CPLX2: variants seen among roughly 807,000 people sequenced by gnomAD.
CPLX2 encodes the protein complexin 2.
In CPLX2, 5 loss-of-function variants were observed where a neutral mutation model predicts 16.3. The ratio of observed to expected loss-of-function variants is 0.31; its 90% confidence interval spans 0.16 to 0.64. The LOEUF (loss-of-function observed/expected upper bound fraction) is 0.64, where lower values mean the gene tolerates loss of function less well. Ranked by LOEUF, CPLX2 falls within the 30% of genes least tolerant of loss-of-function variation. The pLI is 0.79. For missense variants in CPLX2, 144 were observed against 181.4 expected (o/e 0.79, Z 1.18); for synonymous variants, 89 against 73.2 (o/e 1.22, Z -1.10).
chr5:175,846,814 G>A (rs760808910), intron 2 of CPLX2, among the ~76,000 whole-genome samples: 75 of 152,028 alleles, frequency 4.9e-4, no homozygotes, highest in Non-Finnish European at 8.7e-4. Flanking sequence ...AATCCCTCCC[G>A]GGCTGCTGGA....
chr5:175,836,859 G>C (rs1758848997), intron 2 of CPLX2, among the ~76,000 whole-genome samples: 1 of 152,248 alleles, frequency 6.6e-6, no homozygotes, highest in Non-Finnish European at 1.5e-5. Context: ...CAGAGCAAGT[G>C]CCAATGTCAC....
rs1035816968 is a variant in CPLX2 at position 175,880,853 on chromosome 5, G to C, written c.*808G>C. ...CCCAGAAAACACTTGGAGCCATCGGGTAGCGATGGTCTATGCCATGGGGAA... is the reference window on the plus strand; with the variant it reads ...CCCAGAAAACACTTGGAGCCATCGGCTAGCGATGGTCTATGCCATGGGGAA... On this transcript the variant is annotated 3_prime_UTR_variant, in exon 4 of 4. Transcript: ENST00000393745. The C allele has an allele frequency of 6.5e-6, 1 of 152,838 alleles. No individual in the cohort carries two copies. Among genetic ancestry groups the C allele is most frequent in the African/African-American group, 2.4e-5 (1 of 41,434 alleles). The allele number at this position is 152,838 out of a possible 1,614,324, so 9.5% of individuals were successfully genotyped here. A position where few individuals can be genotyped will look rare whatever the true frequency, so the allele number is the denominator to read the frequency against.
At chr5:175,857,012 C>A (rs150877440) in intron 2 of CPLX2, among the ~76,000 whole-genome samples, 3 of 152,338 alleles carry the variant, frequency 2.0e-5, no homozygotes, top group African/African-American at 7.2e-5. Flanking sequence ...GACTGAAGAA[C>A]TGAACTAGGG....
upstream of CPLX2, among the ~76,000 whole-genome samples, chr5:175,867,169 G>A (rs1354660105): frequency 6.6e-6 from 1 of 152,154 alleles, no homozygotes; most frequent in Non-Finnish European, 1.5e-5. Flanking sequence ...GGTGCCTCTA[G>A]TGGGGGCAGA....
rs1298043799 is a variant in CPLX2 at position 175,879,047 on chromosome 5, G to C, written c.171G>C (p.Ala57=). The C allele has an allele frequency of 1.3e-6, 2 of 1,586,402 alleles. No homozygotes were observed. Among genetic ancestry groups the C allele is most frequent in the Admixed American group, 3.5e-5 (2 of 56,622 alleles). ...ERKAKHARME[A]EREKVRQQIR... ...AGGCCAAGCACGCGCGCATGGAGGC[G>C]GAGCGGGAGAAGGTCCGGCAGCAGA... The change falls in exon 3 of 4, where the codon GCG becomes GCC. Residue 57 remains alanine, a synonymous_variant. Transcript: ENST00000393745.
intron 2 of CPLX2, among the ~76,000 whole-genome samples, chr5:175,839,434 C>T (rs767759839): frequency 6.6e-6 from 1 of 152,042 alleles, no homozygotes; most frequent in Non-Finnish European, 1.5e-5. Context: ...TACGGGCATG[C>T]ACCACCATGC....
At chr5:175,860,412 TAAAGA>T (rs1158910927) in intron 2 of CPLX2, among the ~76,000 whole-genome samples, 1 of 68,228 alleles carries the variant, frequency 1.5e-5, no homozygotes, top group African/African-American at 5.7e-5. Flanking sequence ...TCAAAAAAAA[TAAAGA>T]AAGGAAGGAA....
chr5:175,855,478 T>C lies in CPLX2; in HGVS notation c.-88-23174T>C, dbSNP rs575848231. Among the ~76,000 whole-genome samples the C allele has an allele frequency of 1.4e-4, 22 of 152,210 alleles. 1 individual carries two copies. The highest frequency in any genetic ancestry group is 2.1e-4 in the Non-Finnish European group (14 of 68,040). ...AAATGGTTTAAGGCCAAAGGAGTTA[T>C]ATTTGTTCATGTAACTGATAAGTTC... is the stretch of plus-strand genomic sequence containing the variant. On this transcript the variant is annotated intron_variant, in intron 2 of 4. Coordinates refer to the CPLX2 transcript ENST00000359546.
intron 2 of CPLX2, among the ~76,000 whole-genome samples, chr5:175,816,112 TC>T (rs1209573888): frequency 6.6e-6 from 1 of 152,112 alleles, no homozygotes; most frequent in African/African-American, 2.4e-5. Flanking sequence ...GACTCCGGGA[TC>T]TAGGCCGGCT....
chr5:175,880,415 GC>G lies in CPLX2; in HGVS notation c.*373del. Reference sequence around the variant, plus strand: ...CAAAGTAATGACACATTCCAGCCCTGCCCAGCATGCTGACCTTTGGCCTCTA... The same window carrying G: ...CAAAGTAATGACACATTCCAGCCCTGCCAGCATGCTGACCTTTGGCCTCTA... On this transcript the variant is annotated 3_prime_UTR_variant, in exon 4 of 4. Coordinates refer to ENST00000393745, the MANE Select transcript of CPLX2 (RefSeq NM_001008220.2). 1 of 355,696 alleles carries G rather than the reference GC, an allele frequency of 2.8e-6. No homozygotes were observed. Among genetic ancestry groups the G allele is most frequent in the Non-Finnish European group, 5.5e-6 (1 of 182,610 alleles). The allele number at this position is 355,696 out of a possible 1,614,324, so 22.0% of individuals were successfully genotyped here. A position where few individuals can be genotyped will look rare whatever the true frequency, so the allele number is the denominator to read the frequency against.
chr5:175,834,622 C>T (rs1392849753), intron 2 of CPLX2, among the ~76,000 whole-genome samples: 1 of 152,126 alleles, frequency 6.6e-6, no homozygotes, highest in Admixed American at 6.5e-5. Context: ...CCTGTAATCC[C>T]AGCACTTTGG....
At chr5:175,802,863 GCT>G (rs1392307356) in intron 1 of CPLX2, among the ~76,000 whole-genome samples, 3 of 149,460 alleles carry the variant, frequency 2.0e-5, no homozygotes, top group Non-Finnish European at 3.0e-5. Context: ...ACAGAGTCTC[GCT>G]CTGTCACCCA....
At chr5:175,850,670 T>TA (rs1401285008) in intron 2 of CPLX2, among the ~76,000 whole-genome samples, 1 of 152,152 alleles carries the variant, frequency 6.6e-6, no homozygotes, top group Non-Finnish European at 1.5e-5. Flanking sequence ...TGATTCCATT[T>TA]AGCCCAGCAA....
intron 1 of CPLX2, among the ~76,000 whole-genome samples, chr5:175,877,411 C>G (rs1755415778): frequency 6.6e-6 from 1 of 152,168 alleles, no homozygotes; most frequent in Non-Finnish European, 1.5e-5. Flanking sequence ...ACCCTGAACT[C>G]AGCCAGGCTG....
intron 1 of CPLX2, among the ~76,000 whole-genome samples, chr5:175,876,736 C>T (rs1446279055): frequency 6.6e-6 from 1 of 152,208 alleles, no homozygotes. Flanking sequence ...GCATCTCCCA[C>T]TGCCACCTGG....
At chr5:175,813,974 G>A (rs1321647781) in intron 2 of CPLX2, among the ~76,000 whole-genome samples, 1 of 152,230 alleles carries the variant, frequency 6.6e-6, no homozygotes, top group Non-Finnish European at 1.5e-5. Flanking sequence ...CTGCATTCCT[G>A]TTTATGAGAA....
chr5:175,854,130 G>A (rs1044168955), intron 2 of CPLX2, among the ~76,000 whole-genome samples: 3 of 152,104 alleles, frequency 2.0e-5, no homozygotes, highest in Non-Finnish European at 4.4e-5. Context: ...CCTGTCCCCA[G>A]CACCCCTGAG....
rs1045976776 is a variant in CPLX2 at position 175,801,170 on chromosome 5, A to AAAAC, written c.-169+4389_-169+4390insCAAA. On this transcript the variant is annotated intron_variant, in intron 1 of 4. Coordinates refer to the CPLX2 transcript ENST00000359546. ...TTAAGCAGAGGAGTGTTAAAAAAAA[A>AAAAC]AAAAAACTGGGTTTTAAAAAAATGC... 2.2e-4 allele frequency among the ~76,000 whole-genome samples: 33 copies of AAAAC among 151,922 alleles called. 1 individual carries two copies. Among genetic ancestry groups the AAAAC allele is most frequent in the African/African-American group, 8.0e-4 (33 of 41,384 alleles).
intron 2 of CPLX2, among the ~76,000 whole-genome samples, chr5:175,861,045 G>C (rs1205234080): frequency 6.6e-6 from 1 of 151,704 alleles, no homozygotes; most frequent in Non-Finnish European, 1.5e-5. Flanking sequence ...TTTAAACAAG[G>C]ATGCCAGAGC....
Sources: allele counts gnomAD v4.1 joint callset (sites outside exome capture counted in the v4.1 genomes callset), GRCh38; gene constraint gnomAD v4.1.1; transcripts MANE v1.5; gene names NCBI Gene and HGNC (gene_info 2026-07-23, HGNC 2026-07-21).